Variants in GTF2H1 observed in about 807,000 individuals in gnomAD.
GTF2H1 encodes general transcription factor IIH subunit 1, also known as BTF2 p62.
Under a neutral mutation model 71.2 loss-of-function variants are expected in GTF2H1, and 16 were observed. That is an observed-to-expected ratio of 0.22 (90% CI 0.15 to 0.34). GTF2H1 has a LOEUF of 0.34. Ranked by LOEUF, GTF2H1 falls within the 10% of genes least tolerant of loss-of-function variation. The pLI, the probability that GTF2H1 is intolerant of heterozygous loss-of-function variation, is 1.00. For synonymous variants in GTF2H1, 215 were observed against 219.0 expected (o/e 0.98, Z 0.16); for missense variants, 498 against 648.2 (o/e 0.77, Z 2.52).
intron 2 of GTF2H1, 172 bp downstream of exon 2, chr11:18,333,400 AACAGAACAGGT>A: frequency 4.1e-6 from 2 of 493,386 alleles, no homozygotes; most frequent in Non-Finnish European, 7.1e-6. Context: ...TTCACTTAAT[AACAGAACAGGT>A]ACAGGTTTAC....
rs932621736 is a variant in GTF2H1 at position 18,349,249 on chromosome 11, C to T, written c.1053+1330C>T. Among the ~76,000 whole-genome samples the T allele has an allele frequency of 2.0e-5, 3 of 152,100 alleles. No individual in the cohort carries two copies. The East Asian group carries it at 5.8e-4, about 29-fold the overall frequency. ...TGTATTACCTATAAAATTAATAAAG[C>T]CAGTGAGGTATTTCTTTTTTGAACT... On this transcript the variant is annotated intron_variant, in intron 9 of 14. Transcript: ENST00000265963.
rs868094104 is a variant in GTF2H1 at position 18,328,530 on chromosome 11, T to A, written c.-15-4530T>A. Among the ~76,000 whole-genome samples, 522 of 115,476 alleles carry A rather than the reference T, an allele frequency of 4.5e-3. 13 individuals are homozygous for A. Among genetic ancestry groups the A allele is most frequent in the Admixed American group, 0.037 (426 of 11,424 alleles). The allele number at this position is 115,476 out of a possible 152,430, so 75.8% of individuals were successfully genotyped here. A position where few individuals can be genotyped will look rare whatever the true frequency, so the allele number is the denominator to read the frequency against. On this transcript the variant is annotated intron_variant, in intron 1 of 14. Transcript: ENST00000265963. ...TCCATCTCAAAAAAAAAAAAAAAAA[T>A]TTTATGGAATCATGCCAGGCATGGT...
chr11:18,349,995 A>T (rs1202349912), intron 9 of GTF2H1, among the ~76,000 whole-genome samples: 1 of 152,230 alleles, frequency 6.6e-6, no homozygotes, highest in African/African-American at 2.4e-5. Context: ...GGTACTCAAA[A>T]TATGGTTTCT....
At chr11:18,364,083 A>AG (rs1271579230) in intron 14 of GTF2H1, among the ~76,000 whole-genome samples, 1 of 152,000 alleles carries the variant, frequency 6.6e-6, no homozygotes, top group Non-Finnish European at 1.5e-5. Context: ...CAAAAAAAAA[A>AG]GAAAAGGATG....
chr11:18,332,300 A>G (rs546025734), intron 1 of GTF2H1, among the ~76,000 whole-genome samples: 1 of 152,278 alleles, frequency 6.6e-6, no homozygotes, highest in Non-Finnish European at 1.5e-5. Flanking sequence ...AACTTTCCCC[A>G]TCCTGGCCCA....
chr11:18,343,535 C>G (rs1057060994), intron 7 of GTF2H1, among the ~76,000 whole-genome samples: 1 of 152,052 alleles, frequency 6.6e-6, no homozygotes. Context: ...TGAATGCATT[C>G]TCTCTATTCC....
chr11:18,328,749 C>T (rs1864828454), intron 1 of GTF2H1, among the ~76,000 whole-genome samples: 1 of 151,382 alleles, frequency 6.6e-6, no homozygotes, highest in Admixed American at 6.6e-5. Context: ...TCGCTTGAAC[C>T]CGGGAGGCGG....
At chr11:18,333,906 C>T (rs1483024123) in intron 2 of GTF2H1, among the ~76,000 whole-genome samples, 1 of 152,180 alleles carries the variant, frequency 6.6e-6, no homozygotes, top group Non-Finnish European at 1.5e-5. Flanking sequence ...TGAGAAGACT[C>T]AACCTTATAG....
intron 12 of GTF2H1, 65 bp from the exon 13 acceptor site, chr11:18,358,460 A>AT (rs1205279154): frequency 2.0e-5 from 18 of 878,714 alleles, no homozygotes; most frequent in Non-Finnish European, 3.2e-5. Flanking sequence ...CTGAGTGGTC[A>AT]TTTTTTTCGA....
At chr11:18,358,397 A>G (rs1273648428) in intron 12 of GTF2H1, 128 bp from the exon 13 acceptor site, 3 of 593,146 alleles carry the variant, frequency 5.1e-6, no homozygotes, top group East Asian at 5.8e-5. Context: ...CTTATCTGAA[A>G]ATAGCACATC....
At chr11:18,356,378 A>C (rs1865546057) in intron 11 of GTF2H1, among the ~76,000 whole-genome samples, 1 of 91,944 alleles carries the variant, frequency 1.1e-5, no homozygotes, top group Admixed American at 1.1e-4. Context: ...ACTCTGTCTC[A>C]AAAAAAAAAA....
At chr11:18,341,129 G>C (rs565586458) in intron 5 of GTF2H1, 132 bp from the exon 6 acceptor site, 5 of 644,126 alleles carry the variant, frequency 7.8e-6, no homozygotes, top group African/African-American at 1.8e-5. Flanking sequence ...TTTATAATTA[G>C]ATTATAACTT....
intron 11 of GTF2H1, among the ~76,000 whole-genome samples, chr11:18,354,202 C>T (rs1384151016): frequency 6.6e-6 from 1 of 152,176 alleles, no homozygotes; most frequent in African/African-American, 2.4e-5. Context: ...AGAAACTCCA[C>T]AGAAGTAATG....
At chr11:18,364,866 G>A (rs537941936) in intron 14 of GTF2H1, among the ~76,000 whole-genome samples, 4 of 152,198 alleles carry the variant, frequency 2.6e-5, no homozygotes, top group Admixed American at 2.6e-4. Flanking sequence ...AAAGATTCTT[G>A]GGTCTCATCC....
chr11:18,358,450 C>CTT, intron 12 of GTF2H1, 75 bp from the exon 13 acceptor site: 1 of 789,098 alleles, frequency 1.3e-6, no homozygotes, highest in Non-Finnish European at 2.2e-6. Context: ...AATTTATTCT[C>CTT]TGAGTGGTCA....
chr11:18,328,313 C>A (rs1374419827), intron 1 of GTF2H1, among the ~76,000 whole-genome samples: 1 of 151,254 alleles, frequency 6.6e-6, no homozygotes, highest in Non-Finnish European at 1.5e-5. Flanking sequence ...GAGTACAAGA[C>A]CAGCTTGGCC....
intron 13 of GTF2H1, among the ~76,000 whole-genome samples, chr11:18,360,263 C>T (rs1161899284): frequency 1.3e-5 from 2 of 152,106 alleles, no homozygotes; most frequent in South Asian, 2.1e-4. Context: ...GCTGGGACTA[C>T]AGGCGTGTGC....
chr11:18,359,526 A>G (rs1865646926), intron 13 of GTF2H1, among the ~76,000 whole-genome samples: 1 of 152,180 alleles, frequency 6.6e-6, no homozygotes, highest in Non-Finnish European at 1.5e-5. Flanking sequence ...TTACTTCAGC[A>G]TTCAAATGAA....
chr11:18,345,139 T>C (rs1404830276), intron 7 of GTF2H1, among the ~76,000 whole-genome samples: 1 of 151,830 alleles, frequency 6.6e-6, no homozygotes, highest in East Asian at 1.9e-4. Flanking sequence ...TGCAGTGAAC[T>C]GCGATTGCAC....
Sources: allele counts gnomAD v4.1 joint callset (sites outside exome capture counted in the v4.1 genomes callset), GRCh38; gene constraint gnomAD v4.1.1; transcripts MANE v1.5; gene names NCBI Gene and HGNC (gene_info 2026-07-23, HGNC 2026-07-21).